The following RUNX2 variants were observed in gnomAD, a reference collection of about 807,000 sequenced individuals.
RUNX2 encodes RUNX family transcription factor 2, also known as runt-related transcription factor 2.
A neutral mutation model predicts 51.7 loss-of-function variants in RUNX2; 10 were observed. The ratio of observed to expected loss-of-function variants is 0.19; its 90% CI spans 0.12 to 0.33. The LOEUF (loss-of-function observed/expected upper bound fraction) is 0.33. RUNX2 is among the 10% of genes least tolerant of loss of function. The pLI is 1.00. For synonymous variants in RUNX2, 276 were observed against 273.6 expected, an observed-to-expected ratio of 1.01 and a Z score of -0.09; for missense variants, 562 against 691.3, an observed-to-expected ratio of 0.81 and a Z score of 2.10.
intron 2 of RUNX2, among the ~76,000 whole-genome samples, chr6:45,390,765 G>C (rs972016846): frequency 6.6e-6 from 1 of 152,136 alleles, no homozygotes; most frequent in African/African-American, 2.4e-5. Context: ...AATGGAAATG[G>C]AAATAGAGAT....
At chr6:45,509,240 G>A (rs902659139) in intron 6 of RUNX2, among the ~76,000 whole-genome samples, 1 of 152,070 alleles carries the variant, frequency 6.6e-6, no homozygotes, top group Admixed American at 6.6e-5. Flanking sequence ...TAGTTTTTCT[G>A]TAGTACTTTA....
intron 2 of RUNX2, among the ~76,000 whole-genome samples, chr6:45,419,839 G>C (rs1199990409): frequency 6.6e-6 from 1 of 152,128 alleles, no homozygotes; most frequent in Non-Finnish European, 1.5e-5. Context: ...GAGTAGGTTG[G>C]GGACCAGGTG....
In RUNX2 at chr6:45,472,246, G is replaced by A. The variant is rs185217434; in HGVS notation, c.686-19695G>A. On this transcript the variant is annotated intron_variant, in intron 5 of 8. Transcript: ENST00000647337. ...TAGATGTAAAGGTATTACTGGAAAG[G>A]AAAGTGAGCAGAGGGCTTTCTCTAC... is the stretch of plus-strand genomic sequence containing the variant. 2.7e-3 allele frequency among the ~76,000 whole-genome samples: 406 copies of A among 152,302 alleles called. 1 individual carries two copies. The highest frequency in any genetic ancestry group is 8.3e-3 in the Admixed American group (127 of 15,300).
chr6:45,413,050 G>A (rs1797985387), intron 2 of RUNX2, among the ~76,000 whole-genome samples: 1 of 152,002 alleles, frequency 6.6e-6, no homozygotes, highest in African/African-American at 2.4e-5. Context: ...TAGGCCTGGC[G>A]GGAACTGCCT....
At chr6:45,496,130 G>A (rs759900134) in intron 6 of RUNX2, among the ~76,000 whole-genome samples, 1 of 152,042 alleles carries the variant, frequency 6.6e-6, no homozygotes, top group Non-Finnish European at 1.5e-5. Flanking sequence ...AGAAAGCGGC[G>A]ATAGCAATAG....
At chr6:45,473,115 C>A (rs199794456) in intron 5 of RUNX2, among the ~76,000 whole-genome samples, 4 of 152,158 alleles carry the variant, frequency 2.6e-5, no homozygotes, top group Non-Finnish European at 5.9e-5. Context: ...TGGTTTAAAT[C>A]TTTATTTATA....
At chr6:45,411,839 T>C (rs1157013574) in intron 2 of RUNX2, among the ~76,000 whole-genome samples, 1 of 152,092 alleles carries the variant, frequency 6.6e-6, no homozygotes, top group East Asian at 1.9e-4. Flanking sequence ...AAAAACTATA[T>C]TCAATGAAAC....
At chr6:45,502,165 T>C (rs1424898871) in intron 6 of RUNX2, among the ~76,000 whole-genome samples, 1 of 152,106 alleles carries the variant, frequency 6.6e-6, no homozygotes, top group Non-Finnish European at 1.5e-5. Context: ...ATTTTTGCCA[T>C]GTTGTGGGAT....
intron 7 of RUNX2, among the ~76,000 whole-genome samples, chr6:45,524,822 T>C (rs1563123747): frequency 6.6e-6 from 1 of 152,118 alleles, no homozygotes; most frequent in Non-Finnish European, 1.5e-5. Context: ...GGCTTAAAGA[T>C]ATGGTAGAGG....
At position 45,515,821 on chromosome 6, in the gene RUNX2, A is replaced by C. The variant is rs142074063; in HGVS notation, c.1021+3414A>C. 4.5e-3 allele frequency among the ~76,000 whole-genome samples: 683 copies of C among 152,346 alleles called. 5 individuals carry two copies. Among genetic ancestry groups the C allele is most frequent in the African/African-American group, 0.015 (606 of 41,590 alleles). ...AAATAACGATTCAATTATGTCAGAC[A>C]ATAGAAAGTGCTGAGTTACACTTAA... On this transcript the variant is annotated intron_variant, in intron 7 of 8. Coordinates refer to ENST00000647337, the MANE Select transcript of RUNX2 (RefSeq NM_001024630.4).
intron 2 of RUNX2, among the ~76,000 whole-genome samples, chr6:45,393,618 C>T (rs775978600): frequency 6.6e-6 from 1 of 152,048 alleles, no homozygotes; most frequent in Non-Finnish European, 1.5e-5. Context: ...TTAGTAGAGA[C>T]GGGATTTCAC....
intron 5 of RUNX2, among the ~76,000 whole-genome samples, chr6:45,481,481 A>G (rs2150400055): frequency 6.6e-6 from 1 of 152,368 alleles, no homozygotes; most frequent in Non-Finnish European, 1.5e-5. Flanking sequence ...GAACTAAAAC[A>G]CTCAAGTTTT....
intron 5 of RUNX2, among the ~76,000 whole-genome samples, chr6:45,481,565 G>A (rs1190303680): frequency 6.6e-6 from 1 of 152,198 alleles, no homozygotes; most frequent in Non-Finnish European, 1.5e-5. Flanking sequence ...TCAAGGGAGA[G>A]ATAAAGATTC....
intron 5 of RUNX2, among the ~76,000 whole-genome samples, chr6:45,456,245 T>G (rs997625126): frequency 3.3e-5 from 5 of 152,228 alleles, no homozygotes; most frequent in Non-Finnish European, 5.9e-5. Flanking sequence ...TCACATATAC[T>G]TTTTATTTTA....
At chr6:45,354,835 A>G (rs1356983378) in intron 2 of RUNX2, among the ~76,000 whole-genome samples, 1 of 152,206 alleles carries the variant, frequency 6.6e-6, no homozygotes, top group African/African-American at 2.4e-5. Flanking sequence ...GTATTTATCA[A>G]CATGGAAAAG....
intron 6 of RUNX2, among the ~76,000 whole-genome samples, chr6:45,498,573 T>C (rs1163659514): frequency 6.6e-6 from 1 of 152,252 alleles, no homozygotes; most frequent in Non-Finnish European, 1.5e-5. Flanking sequence ...ATTTAAATGA[T>C]TAAATTCCAG....
intron 7 of RUNX2, among the ~76,000 whole-genome samples, chr6:45,537,821 C>T (rs1479886464): frequency 2.6e-5 from 4 of 152,130 alleles, no homozygotes; most frequent in Non-Finnish European, 5.9e-5. Context: ...GATTTTTCCA[C>T]GGGAGCGCCT....
chr6:45,496,560 A>T (rs1251029913), intron 6 of RUNX2, among the ~76,000 whole-genome samples: 1 of 152,216 alleles, frequency 6.6e-6, no homozygotes, highest in Non-Finnish European at 1.5e-5. Flanking sequence ...AGTTGAGAAA[A>T]GGTCCTTTGA....
chr6:45,455,468 A>G (rs1359477339), intron 5 of RUNX2, among the ~76,000 whole-genome samples: 4 of 152,172 alleles, frequency 2.6e-5, no homozygotes, highest in Admixed American at 6.5e-5. Context: ...GTTTATTTCT[A>G]CGTTAATTGA....
Sources: allele counts gnomAD v4.1 joint callset (sites outside exome capture counted in the v4.1 genomes callset), GRCh38; gene constraint gnomAD v4.1.1; transcripts MANE v1.5; gene names NCBI Gene and HGNC (gene_info 2026-07-23, HGNC 2026-07-21).